APP: variants seen among roughly 807,000 people sequenced by gnomAD.
APP encodes the protein amyloid beta precursor protein, also known as amyloid-beta precursor protein.
A neutral mutation model predicts 101.4 loss-of-function variants in APP; 31 were observed. The observed-to-expected ratio is 0.31, with a 90% CI of 0.23 to 0.41. The LOEUF is 0.41. Among genes scored for constraint, APP ranks in the 10% least tolerant of loss-of-function variants. The pLI is 1.00. For missense variants in APP, 839 were observed against 1,003.7 expected, an observed-to-expected ratio of 0.84 and a Z score of 2.22; for synonymous variants, 366 against 364.4, an observed-to-expected ratio of 1.00 and a Z score of -0.05.
chr21:25,986,027 G>A (rs1311314394), intron 8 of APP, among the ~76,000 whole-genome samples: 1 of 152,200 alleles, frequency 6.6e-6, no homozygotes, highest in Non-Finnish European at 1.5e-5. Context: ...AGTATGTCCA[G>A]AGAGCTCAAC....
intron 6 of APP, among the ~76,000 whole-genome samples, chr21:26,016,654 C>T (rs2044077275): frequency 6.6e-6 from 1 of 152,098 alleles, no homozygotes; most frequent in Non-Finnish European, 1.5e-5. Context: ...TCACTGCAAC[C>T]TCCGCCTCCT....
At position 26,112,277 on chromosome 21, in the gene APP, A is replaced by G. The variant is rs2062345775; in HGVS notation, c.58-131T>C. The G allele has an allele frequency of 3.3e-6, 3 of 915,394 alleles. No homozygotes were observed. The South Asian group carries it at 4.1e-5, about 13-fold the overall frequency. The allele number at this position is 915,394 out of a possible 1,614,324, so 56.7% of individuals were successfully genotyped here. Reference sequence around the variant, plus strand: ...TCAATTAGGAATCAGCCCGGTCTTCAACACTCCTTTAGATTAAGTGTTATG... The same window carrying G: ...TCAATTAGGAATCAGCCCGGTCTTCGACACTCCTTTAGATTAAGTGTTATG... On this transcript the variant is annotated intron_variant, in intron 1 of 17. Coordinates refer to ENST00000346798, the MANE Select transcript of APP (RefSeq NM_000484.4).
Position 26,059,786 on chromosome 21 carries a change from T to TA in APP, c.356-6439dup, listed in dbSNP as rs551460355. On this transcript the variant is annotated intron_variant, in intron 3 of 17. Transcript: ENST00000346798. Reference sequence around the variant, plus strand: ...CATGCCTGTAATCCCAGCTACTCAGTAGGCTGAGGCAGGAGAATCGCTTGA... The same window carrying TA: ...CATGCCTGTAATCCCAGCTACTCAGTAAGGCTGAGGCAGGAGAATCGCTTGA... Among the ~76,000 whole-genome samples, 11 of 149,020 alleles carry TA rather than the reference T, an allele frequency of 7.4e-5. No individual in the cohort carries two copies. In the East Asian group the frequency reaches 2.2e-3, roughly 30 times the overall value.
chr21:26,045,620 T>C (rs568585589), intron 5 of APP, among the ~76,000 whole-genome samples: 1 of 152,202 alleles, frequency 6.6e-6, no homozygotes, highest in Admixed American at 6.5e-5. Context: ...AATAATAATA[T>C]AAACGGCCCA....
At chr21:26,164,082 T>C (rs1226764462) in intron 1 of APP, among the ~76,000 whole-genome samples, 1 of 151,688 alleles carries the variant, frequency 6.6e-6, no homozygotes, top group Non-Finnish European at 1.5e-5. Context: ...CCGTCTCTAC[T>C]AAAAATATAA....
intron 6 of APP, among the ~76,000 whole-genome samples, chr21:26,015,971 T>C (rs968615612): frequency 6.6e-6 from 1 of 152,194 alleles, no homozygotes; most frequent in Non-Finnish European, 1.5e-5. Context: ...AAACAGGCTA[T>C]TTTTGGCCCC....
At chr21:26,004,275 C>CTTTTTTTTTTTTTTTTTTTTTTTTTT (rs71183538) in intron 6 of APP, among the ~76,000 whole-genome samples, 1 of 72,796 alleles carries the variant, frequency 1.4e-5, no homozygotes, top group African/African-American at 5.3e-5. Flanking sequence ...TGTATTAATT[C>CTTTTTTTTTTTTTTTTTTTTTTTTTT]TTTTTTTTTT....
rs182496725 is a variant in APP at position 25,946,105 on chromosome 21, G to A, written c.1687+8485C>T. 3.4e-5 allele frequency: 10 copies of A among 294,870 alleles called. No homozygotes were observed. The East Asian group carries it at 1.2e-3, about 36-fold the overall frequency. The allele number at this position is 294,870 out of a possible 1,614,324, so 18.3% of individuals were successfully genotyped here. Reference sequence around the variant, plus strand: ...ATGAATCAAAGATTTAACTGTAAGAGCTAAAACTACAAAACTCTTAGAAGG... The same window carrying A: ...ATGAATCAAAGATTTAACTGTAAGAACTAAAACTACAAAACTCTTAGAAGG... On this transcript the variant is annotated intron_variant, in intron 13 of 17. Transcript: ENST00000346798.
intron 5 of APP, among the ~76,000 whole-genome samples, chr21:26,028,804 T>C (rs77495987): frequency 0.029 from 4,465 of 152,222 alleles, 186 homozygotes; most frequent in East Asian, 0.1. Context: ...TTGGAATCTA[T>C]CTATTAGTTG....
chr21:25,888,123 T>A (rs2037460107), intron 17 of APP, among the ~76,000 whole-genome samples: 1 of 152,062 alleles, frequency 6.6e-6, no homozygotes, highest in African/African-American at 2.4e-5. Context: ...CTGAGGTGAG[T>A]CCAACTGGAA....
chr21:26,098,137 A>G (rs970803576), intron 2 of APP, among the ~76,000 whole-genome samples: 19 of 148,300 alleles, frequency 1.3e-4, no homozygotes, highest in African/African-American at 3.4e-4. Flanking sequence ...CCTAACAACC[A>G]GGAAAGAGGG....
chr21:25,996,112 T>C (rs778606146), intron 8 of APP, among the ~76,000 whole-genome samples: 5 of 152,106 alleles, frequency 3.3e-5, no homozygotes, highest in Non-Finnish European at 7.4e-5. Flanking sequence ...CAAATATGAG[T>C]ACTAAAACCA....
intron 6 of APP, among the ~76,000 whole-genome samples, chr21:26,007,052 T>A (rs2146709250): frequency 6.6e-6 from 1 of 152,212 alleles, no homozygotes; most frequent in African/African-American, 2.4e-5. Context: ...CTAGGAACTA[T>A]ATTTTCTGAA....
At chr21:26,123,489 G>A (rs565534180) in intron 1 of APP, among the ~76,000 whole-genome samples, 2 of 152,268 alleles carry the variant, frequency 1.3e-5, no homozygotes, top group South Asian at 2.1e-4. Flanking sequence ...TTAAATTCCA[G>A]GTTATTTGCT....
rs957263720 is a variant in APP at position 26,118,296 on chromosome 21, G to A, written c.58-6150C>T. Among the ~76,000 whole-genome samples, 4 of 152,120 alleles carry A rather than the reference G, an allele frequency of 2.6e-5. 1 individual carries two copies. The highest frequency in any genetic ancestry group is 7.2e-5 in the African/African-American group (3 of 41,422). On this transcript the variant is annotated intron_variant, in intron 1 of 17. Transcript: ENST00000346798. The stretch of plus-strand genomic sequence containing the variant: ...ATCTACTGCTAGGACTGATATAAAT[G>A]AATATAAAAGTGGAATTACAAAAAA...
At chr21:26,038,388 G>T (rs1158984319) in intron 5 of APP, among the ~76,000 whole-genome samples, 2 of 152,152 alleles carry the variant, frequency 1.3e-5, no homozygotes, top group Non-Finnish European at 2.9e-5. Flanking sequence ...AACCAGAGGT[G>T]GGAGATGAGT....
chr21:26,100,301 T>C (rs1017910550), intron 2 of APP, among the ~76,000 whole-genome samples: 4 of 152,182 alleles, frequency 2.6e-5, no homozygotes, highest in African/African-American at 9.7e-5. Context: ...TATCCACATA[T>C]AGACAGCCTG....
intron 1 of APP, among the ~76,000 whole-genome samples, chr21:26,164,171 A>G (rs892787007): frequency 3.3e-5 from 5 of 152,140 alleles, no homozygotes; most frequent in African/African-American, 1.2e-4. Context: ...CTTGAACCTG[A>G]GAGGCGGAGA....
At chr21:25,984,467 T>C (rs1003619083) in intron 8 of APP, among the ~76,000 whole-genome samples, 4 of 152,194 alleles carry the variant, frequency 2.6e-5, no homozygotes, top group African/African-American at 9.7e-5. Flanking sequence ...ATTTGTAAGA[T>C]TGAAACAATA....
Sources: gnomAD v4.1 joint callset for allele counts (sites outside exome capture counted in the v4.1 genomes callset) on GRCh38, gnomAD v4.1.1 for gene constraint, MANE v1.5 for transcripts, NCBI Gene and HGNC (gene_info 2026-07-23, HGNC 2026-07-21) for gene names.